The following MAN1A1 variants were observed in gnomAD, a reference collection of about 807,000 sequenced individuals.
The protein encoded by MAN1A1 is mannosidase alpha class 1A member 1, also known as mannosyl-oligosaccharide 1,2-alpha-mannosidase IA.
In MAN1A1, 29 loss-of-function variants were observed where a neutral mutation model predicts 70.8. The ratio of observed to expected loss-of-function variants is 0.41; its 90% CI spans 0.31 to 0.56. The LOEUF (loss-of-function observed/expected upper bound fraction) is 0.56, where lower values mean the gene tolerates loss of function less well. Among genes scored for constraint, MAN1A1 ranks in the 20% least tolerant of loss-of-function variants. The pLI, the probability that MAN1A1 is intolerant of heterozygous loss-of-function variation, is 0.29. For synonymous variants in MAN1A1, 349 were observed against 330.1 expected (o/e 1.06, Z -0.62); for missense variants, 747 against 841.3 (o/e 0.89, Z 1.39).
rs1775403390 is a variant in MAN1A1, at chr6:119,254,262, TG to T, written c.898-5909del. On this transcript the variant is annotated intron_variant, in intron 5 of 12. Coordinates refer to ENST00000368468, the MANE Select transcript of MAN1A1 (RefSeq NM_005907.4). Reference sequence around the variant, plus strand: ...CTACTTCAAATGGGGATAGGCATGATGGAGAGAGCCCCGGACCCAGGTCCTT... The same window carrying T: ...CTACTTCAAATGGGGATAGGCATGATGAGAGAGCCCCGGACCCAGGTCCTT... 2.0e-5 allele frequency among the ~76,000 whole-genome samples: 3 copies of T among 152,196 alleles called. No homozygotes were observed. The South Asian group carries it at 6.2e-4, about 32-fold the overall frequency.
chr6:119,342,123 A>G (rs1773611382), intron 2 of MAN1A1, among the ~76,000 whole-genome samples: 3 of 152,232 alleles, frequency 2.0e-5, no homozygotes, highest in African/African-American at 4.8e-5. Context: ...TGCAGTAAGT[A>G]TATCATTCTA....
intron 6 of MAN1A1, among the ~76,000 whole-genome samples, chr6:119,231,548 T>C (rs1774676804): frequency 6.6e-6 from 1 of 152,164 alleles, no homozygotes; most frequent in Admixed American, 6.5e-5. Context: ...ATACAATTAC[T>C]GAGGAGCTTT....
At chr6:119,223,791 T>C (rs958868367) in intron 6 of MAN1A1, among the ~76,000 whole-genome samples, 6 of 152,036 alleles carry the variant, frequency 3.9e-5, no homozygotes, top group Non-Finnish European at 7.4e-5. Context: ...CCTCTAGTAA[T>C]GGTGAAGAAA....
At chr6:119,187,178 AGTGTT>A (rs1396908381) in intron 11 of MAN1A1, among the ~76,000 whole-genome samples, 1 of 152,188 alleles carries the variant, frequency 6.6e-6, no homozygotes, top group Non-Finnish European at 1.5e-5. Flanking sequence ...CTTAATTGGT[AGTGTT>A]ATTTTTCTTA....
intron 6 of MAN1A1, 100 bp from the exon 7 acceptor site, chr6:119,204,982 T>A (rs1773820078): frequency 3.3e-6 from 4 of 1,227,368 alleles, no homozygotes; most frequent in African/African-American, 1.5e-5. Flanking sequence ...AAAAAAGGCA[T>A]CCTAGCTAAT....
chr6:119,325,445 G>A (rs1773120805), intron 2 of MAN1A1, among the ~76,000 whole-genome samples: 1 of 152,298 alleles, frequency 6.6e-6, no homozygotes, highest in East Asian at 1.9e-4. Flanking sequence ...ATCACTTGAG[G>A]TCAGAAGTTT....
At chr6:119,309,481 C>CA (rs1772643043) in intron 2 of MAN1A1, among the ~76,000 whole-genome samples, 1 of 152,158 alleles carries the variant, frequency 6.6e-6, no homozygotes, top group African/African-American at 2.4e-5. Flanking sequence ...ACAAGGAAGT[C>CA]ACTTCTAAAA....
intron 2 of MAN1A1, among the ~76,000 whole-genome samples, chr6:119,334,749 A>G (rs1181456879): frequency 6.6e-6 from 1 of 152,270 alleles, no homozygotes; most frequent in Non-Finnish European, 1.5e-5. Context: ...AAGGGTGGAT[A>G]CATCCTAAAA....
At chr6:119,341,960 A>G (rs1343850654) in intron 2 of MAN1A1, among the ~76,000 whole-genome samples, 4 of 152,232 alleles carry the variant, frequency 2.6e-5, no homozygotes, top group South Asian at 2.1e-4. Flanking sequence ...CATTGTGTAA[A>G]TAAAAAAATT....
intron 5 of MAN1A1, among the ~76,000 whole-genome samples, chr6:119,259,766 T>C (rs990404385): frequency 4.6e-5 from 7 of 152,186 alleles, no homozygotes; most frequent in African/African-American, 1.7e-4. Context: ...TAGTCTCAGT[T>C]TCCTCATCTA....
chr6:119,251,753 G>A (rs1020466352), intron 5 of MAN1A1, among the ~76,000 whole-genome samples: 1 of 152,182 alleles, frequency 6.6e-6, no homozygotes, highest in African/African-American at 2.4e-5. Flanking sequence ...CCCAGATTAA[G>A]TCATTTTTTA....
intron 8 of MAN1A1, among the ~76,000 whole-genome samples, chr6:119,196,875 C>T (rs752709443): frequency 2.0e-5 from 3 of 152,142 alleles, no homozygotes; most frequent in Non-Finnish European, 4.4e-5. Flanking sequence ...ACTCTGTGTA[C>T]AGACAGGAAA....
In MAN1A1 at chr6:119,315,167, G is replaced by A. The variant is rs539385566; in HGVS notation, c.604-8175C>T. On this transcript the variant is annotated intron_variant, in intron 2 of 12. Transcript: ENST00000368468. Reference sequence around the variant, plus strand: ...AGTGGAGAATATATATATATGGATGGGGATTTTCTTCAGATTGAGGTGTCC... The same window carrying A: ...AGTGGAGAATATATATATATGGATGAGGATTTTCTTCAGATTGAGGTGTCC... 1.2e-4 allele frequency among the ~76,000 whole-genome samples: 18 copies of A among 152,214 alleles called. No homozygotes were observed. In the East Asian group the frequency reaches 2.7e-3, roughly 23 times the overall value.
chr6:119,289,517 G>A (rs894980033), intron 5 of MAN1A1, among the ~76,000 whole-genome samples: 4 of 144,950 alleles, frequency 2.8e-5, no homozygotes, highest in African/African-American at 1.1e-4. Context: ...AAGTTATCTG[G>A]TAGTGGAAAA....
At chr6:119,300,261 GT>G (rs34460585) in intron 4 of MAN1A1, among the ~76,000 whole-genome samples, 34 of 142,962 alleles carry the variant, frequency 2.4e-4, no homozygotes, top group South Asian at 2.2e-4. Context: ...TTTTGTTTTT[GT>G]TTTTTTTTTT....
At position 119,273,669 on chromosome 6, in the gene MAN1A1, C is replaced by T. The variant is rs1010202111; in HGVS notation, c.897+17014G>A. Among the ~76,000 whole-genome samples the T allele has an allele frequency of 2.0e-5, 3 of 152,110 alleles. No homozygotes were observed. The South Asian group carries it at 6.2e-4, about 31-fold the overall frequency. ...AGCTAAAAGGATCTACTCATATATA[C>T]AGCACTTGTTTTTTTTCTTTTCCAG... On this transcript the variant is annotated intron_variant, in intron 5 of 12. Transcript: ENST00000368468.
At chr6:119,333,379 C>A (rs932835705) in intron 2 of MAN1A1, among the ~76,000 whole-genome samples, 2 of 152,152 alleles carry the variant, frequency 1.3e-5, no homozygotes, top group African/African-American at 4.8e-5. Context: ...GCTGCTCATT[C>A]CCTGCTGCCA....
intron 2 of MAN1A1, among the ~76,000 whole-genome samples, chr6:119,343,183 A>C (rs929541189): frequency 1.3e-5 from 2 of 151,944 alleles, no homozygotes; most frequent in Non-Finnish European, 2.9e-5. Context: ...GGTCAAATTT[A>C]TAATAATGCA....
chr6:119,316,847 AATT>A (rs1195175375), intron 2 of MAN1A1, among the ~76,000 whole-genome samples: 5 of 151,978 alleles, frequency 3.3e-5, no homozygotes, highest in Non-Finnish European at 5.9e-5. Flanking sequence ...TAAAGTTACT[AATT>A]ATTTAGTGAT....
Sources: gnomAD v4.1 joint callset for allele counts (sites outside exome capture counted in the v4.1 genomes callset) on GRCh38, gnomAD v4.1.1 for gene constraint, MANE v1.5 for transcripts, NCBI Gene and HGNC (gene_info 2026-07-23, HGNC 2026-07-21) for gene names.